The following ADAMTS19 variants were observed in gnomAD, a reference collection of about 807,000 sequenced individuals.
ADAMTS19 encodes A disintegrin and metalloproteinase with thrombospondin motifs 19.
In ADAMTS19, 93 loss-of-function variants were observed where a neutral mutation model predicts 153.3. That is an observed-to-expected ratio of 0.61 (90% CI 0.51 to 0.72). The LOEUF (loss-of-function observed/expected upper bound fraction) is 0.72. Ranked by LOEUF, ADAMTS19 falls within the 30% of genes least tolerant of loss-of-function variation. The pLI is 0.00. For missense variants in ADAMTS19, 1,482 were observed against 1,552.1 expected (o/e 0.95, Z 0.76); for synonymous variants, 600 against 556.6 (o/e 1.08, Z -1.10).
chr5:129,672,878 T>C (rs561948639), intron 16 of ADAMTS19, among the ~76,000 whole-genome samples: 1 of 152,146 alleles, frequency 6.6e-6, no homozygotes, highest in Admixed American at 6.6e-5. Context: ...ATATGTTTTA[T>C]ATATATATGG....
At chr5:129,669,936 T>C (rs577479900) in intron 16 of ADAMTS19, among the ~76,000 whole-genome samples, 1 of 152,224 alleles carries the variant, frequency 6.6e-6, no homozygotes, top group East Asian at 1.9e-4. Flanking sequence ...AGATATTTTG[T>C]ATGATATTTA....
intron 20 of ADAMTS19, 109 bp downstream of exon 20, chr5:129,701,701 CTATT>C (rs1168812332): frequency 1.7e-6 from 2 of 1,181,414 alleles, no homozygotes; most frequent in African/African-American, 3.4e-5. Context: ...TTTTTCTATA[CTATT>C]TATTAATTTT....
intron 3 of ADAMTS19, among the ~76,000 whole-genome samples, chr5:129,511,008 A>C (rs998404174): frequency 1.3e-5 from 2 of 151,832 alleles, no homozygotes; most frequent in Non-Finnish European, 2.9e-5. Context: ...TTGAGGGCTC[A>C]GAATTTTAAA....
At chr5:129,572,255 A>G (rs552125876) in intron 7 of ADAMTS19, among the ~76,000 whole-genome samples, 1 of 151,964 alleles carries the variant, frequency 6.6e-6, no homozygotes, top group Non-Finnish European at 1.5e-5. Flanking sequence ...TAGGACTTGT[A>G]TGCAGAATAT....
At chr5:129,509,626 A>G (rs1751373829) in intron 3 of ADAMTS19, among the ~76,000 whole-genome samples, 1 of 152,012 alleles carries the variant, frequency 6.6e-6, no homozygotes, top group African/African-American at 2.4e-5. Flanking sequence ...AGCATCATAG[A>G]TATCTCTTGG....
chr5:129,525,903 C>T (rs1751989053), intron 3 of ADAMTS19, among the ~76,000 whole-genome samples: 1 of 151,878 alleles, frequency 6.6e-6, no homozygotes, highest in African/African-American at 2.4e-5. Context: ...CTTTATTTTG[C>T]CATTGATGTC....
chr5:129,674,196 A>G (rs916928539), intron 16 of ADAMTS19, among the ~76,000 whole-genome samples: 9 of 151,278 alleles, frequency 5.9e-5, no homozygotes, highest in African/African-American at 1.9e-4. Context: ...ACACTATTGC[A>G]CTCCAGCCTA....
At chr5:129,465,414 G>A (rs1749823149) in intron 2 of ADAMTS19, among the ~76,000 whole-genome samples, 1 of 147,526 alleles carries the variant, frequency 6.8e-6, no homozygotes. Flanking sequence ...TGACATGGCA[G>A]ACTACTTAGA....
intron 14 of ADAMTS19, among the ~76,000 whole-genome samples, chr5:129,657,832 T>C (rs1753611626): frequency 6.6e-6 from 1 of 152,222 alleles, no homozygotes; most frequent in Non-Finnish European, 1.5e-5. Flanking sequence ...AAGCCATCCA[T>C]ATAGTGAAGT....
intron 13 of ADAMTS19, among the ~76,000 whole-genome samples, chr5:129,651,578 C>T (rs1322270460): frequency 6.6e-6 from 1 of 152,156 alleles, no homozygotes; most frequent in Non-Finnish European, 1.5e-5. Flanking sequence ...ACATAATAGG[C>T]TTTCCTTCTC....
At chr5:129,719,018 G>A (rs912628677) in intron 21 of ADAMTS19, among the ~76,000 whole-genome samples, 6 of 152,086 alleles carry the variant, frequency 3.9e-5, no homozygotes, top group Admixed American at 3.3e-4. Flanking sequence ...GGAATCTTGG[G>A]TAATCTCTGT....
At position 129,461,116 on chromosome 5, in the gene ADAMTS19, C is replaced by T. The variant is rs1443748376; in HGVS notation, c.106C>T (p.Pro36Ser). Reference protein sequence around the residue: ...NGIVSELQFAPDREEWEVVFP... With the variant: ...NGIVSELQFASDREEWEVVFP... ...CCCGCCCGCAGAGCTGCAGTTCGCC[C>T]CCGACCGCGAGGAGTGGGAAGTCGT... Residue 36 changes from proline to serine, a missense_variant, in exon 2 of 23, where the codon CCC becomes TCC. Pro to Ser is a moderately conservative substitution (Grantham distance 74). This residue lies in a region of ADAMTS19 where 866 missense variants were observed against 827.7 expected (regional missense o/e 1.05). Transcript: ENST00000274487. The surrounding 1 kb of genome is among the most constrained non-coding windows in gnomAD (Gnocchi z 4.6). 15 of 1,419,000 alleles carry T rather than the reference C, an allele frequency of 1.1e-5. No individual in the cohort carries two copies. The highest frequency in any genetic ancestry group is 1.4e-5 in the Non-Finnish European group (15 of 1,085,120). The allele number at this position is 1,419,000 out of a possible 1,614,324, so 87.9% of individuals were successfully genotyped here. A position where few individuals can be genotyped will look rare whatever the true frequency, so the allele number is the denominator to read the frequency against.
chr5:129,590,586 CTTTTTTAAAAATAT>C (rs914996587), intron 7 of ADAMTS19, among the ~76,000 whole-genome samples: 2 of 152,062 alleles, frequency 1.3e-5, no homozygotes, highest in Non-Finnish European at 2.9e-5. Context: ...ATCTAGAAGG[CTTTTTTAAAAATAT>C]TTTTTTAAAA....
At chr5:129,527,643 A>T (rs1048003779) in intron 4 of ADAMTS19, 105 bp from the exon 5 acceptor site, 16 of 362,756 alleles carry the variant, frequency 4.4e-5, no homozygotes, top group Non-Finnish European at 7.2e-5. Flanking sequence ...TAAAAAAAAA[A>T]AAAGATGTCT....
At chr5:129,558,218 A>T (rs1020942903) in intron 7 of ADAMTS19, among the ~76,000 whole-genome samples, 6 of 152,090 alleles carry the variant, frequency 3.9e-5, no homozygotes, top group Non-Finnish European at 8.8e-5. Context: ...CTATTCGACA[A>T]TGCACTGAAA....
At chr5:129,552,205 C>T (rs1753147494) in intron 7 of ADAMTS19, among the ~76,000 whole-genome samples, 1 of 151,614 alleles carries the variant, frequency 6.6e-6, no homozygotes, top group Non-Finnish European at 1.5e-5. Context: ...TTATTAATAA[C>T]CAAAGACAAA....
intron 3 of ADAMTS19, among the ~76,000 whole-genome samples, chr5:129,521,702 AG>A (rs1751806794): frequency 6.6e-6 from 1 of 152,148 alleles, no homozygotes; most frequent in South Asian, 2.1e-4. Context: ...TTTTCTTTAA[AG>A]GGTGACCCAA....
chr5:129,630,612 C>G (rs141161663), intron 10 of ADAMTS19, among the ~76,000 whole-genome samples: 25 of 151,806 alleles, frequency 1.6e-4, no homozygotes, highest in African/African-American at 5.6e-4. Context: ...GTATTATTGA[C>G]CTAAATGTGG....
rs768857827 is a variant in ADAMTS19 at position 129,727,044 on chromosome 5, A to G, written c.3313-7888A>G. Among the ~76,000 whole-genome samples, 4 of 152,170 alleles carry G rather than the reference A, an allele frequency of 2.6e-5. No individual in the cohort carries two copies. The East Asian group carries it at 7.7e-4, about 29-fold the overall frequency. ...TTTGTTGAATGAATAAATGAAATAC[A>G]TGCCTCACACTTTCCATTAGCAATG... is the stretch of plus-strand genomic sequence containing the variant. On this transcript the variant is annotated intron_variant, in intron 21 of 22. Transcript: ENST00000274487.
Sources: gnomAD v4.1 joint callset for allele counts (sites outside exome capture counted in the v4.1 genomes callset) on GRCh38, gnomAD v4.1.1 for gene constraint, gnomAD v4.1.1 regional missense constraint, Gnocchi (gnomAD v3.1) non-coding constraint, MANE v1.5 for transcripts, NCBI Gene and HGNC (gene_info 2026-07-23, HGNC 2026-07-21) for gene names.